The following CA3 variants were observed in gnomAD, a reference collection of about 807,000 sequenced individuals.
CA3 encodes carbonic anhydrase 3.
Under a neutral mutation model 35.7 loss-of-function variants are expected in CA3, and 30 were observed. The observed-to-expected ratio is 0.84, with a 90% CI of 0.63 to 1.14. The LOEUF (loss-of-function observed/expected upper bound fraction) is 1.14. Ranked by LOEUF, CA3 falls within the 50% of genes most tolerant of loss-of-function variation. CA3 has a pLI of 0.00. For synonymous variants in CA3, 131 were observed against 130.8 expected (o/e 1.00, Z -0.01); for missense variants, 295 against 328.5 (o/e 0.90, Z 0.79).
chr8:85,439,525 T>A (rs1374537073), intron 1 of CA3, among the ~76,000 whole-genome samples, 187 bp from the exon 2 acceptor site: 6 of 152,226 alleles, frequency 3.9e-5, no homozygotes, highest in Admixed American at 2.6e-4. Context: ...ATAGTCTCCA[T>A]GTGTGCTATT....
chr8:85,445,692 A>AT (rs926993562), intron 5 of CA3, among the ~76,000 whole-genome samples: 5 of 152,110 alleles, frequency 3.3e-5, no homozygotes, highest in East Asian at 3.9e-4. Context: ...CATTTTAATT[A>AT]TTTTTTTTCT....
In CA3 at chr8:85,438,925, G is replaced by A. The variant is rs909294592; in HGVS notation, c.16G>A (p.Gly6Ser). MAKEW[G>S]YASHNGPDHW... ...GAAGGCGACCATGGCCAAGGAGTGG[G>A]GCTACGCCAGTCACAACGGTGAGTG... Residue 6 changes from glycine (G) to serine (S), a missense_variant, in exon 1 of 7, where the codon GGC becomes AGC. By Grantham distance (56) the Gly-to-Ser change is moderately conservative. Transcript: ENST00000285381. The A allele has an allele frequency of 1.2e-5, 18 of 1,551,164 alleles. No individual in the cohort carries two copies. The highest frequency in any genetic ancestry group is 1.6e-5 in the Non-Finnish European group (18 of 1,146,988).
intron 1 of CA3, 83 bp downstream of exon 1, chr8:85,439,026 A>G: frequency 7.4e-7 from 1 of 1,353,180 alleles, no homozygotes; most frequent in Non-Finnish European, 1.0e-6. Flanking sequence ...GGGCAACTTT[A>G]GAGACTGCAG....
chr8:85,440,702 A>G (rs1419199734), intron 2 of CA3, among the ~76,000 whole-genome samples: 1 of 152,158 alleles, frequency 6.6e-6, no homozygotes, highest in African/African-American at 2.4e-5. Flanking sequence ...TTATAGCCCC[A>G]TCTCTAATAA....
intron 2 of CA3, among the ~76,000 whole-genome samples, chr8:85,441,476 G>A (rs1811205487): frequency 6.6e-6 from 1 of 152,218 alleles, no homozygotes. Flanking sequence ...TTGAAGAAAA[G>A]TGTAGTTGGA....
At chr8:85,444,258 C>G in intron 4 of CA3, 132 bp downstream of exon 4, 1 of 638,124 alleles carries the variant, frequency 1.6e-6, no homozygotes, top group South Asian at 1.9e-5. Flanking sequence ...TTCAACTAAT[C>G]AAGATATTTC....
Position 85,442,129 on chromosome 8 carries a change from T to C in CA3, c.289T>C (p.Trp97Arg). The C allele has an allele frequency of 6.2e-7, 1 of 1,612,214 alleles. No individual in the cohort carries two copies. Among genetic ancestry groups the C allele is most frequent in the Non-Finnish European group, 8.5e-7 (1 of 1,178,204 alleles). Residue 97 changes from tryptophan (W) to arginine (R), a missense_variant, in exon 3 of 7, where the codon TGG becomes CGG. Trp to Arg is a moderately radical substitution (Grantham distance 101). Coordinates refer to ENST00000285381, the MANE Select transcript of CA3 (RefSeq NM_005181.4). Reference protein sequence around the residue: ...PYRLRQFHLHWGSSDDHGSEH... With the variant: ...PYRLRQFHLHRGSSDDHGSEH... The stretch of plus-strand genomic sequence containing the variant: ...CCGACTTCGCCAGTTTCATCTTCAC[T>C]GGGGCTCTTCGGATGATCATGGCTC...
chr8:85,448,237 C>A lies in CA3; in HGVS notation c.*84C>A. 7.2e-7 allele frequency: 1 copy of A among 1,388,560 alleles called. No individual in the cohort carries two copies. The highest frequency in any genetic ancestry group is 9.8e-7 in the Non-Finnish European group (1 of 1,022,986). The allele number at this position is 1,388,560 out of a possible 1,614,324, so 86.0% of individuals were successfully genotyped here. ...TTGCCTCCTTCTGGTGCTCCTTACT[C>A]CAAGTCTATTTCATTTTTCCACACT... On this transcript the variant is annotated 3_prime_UTR_variant, in exon 7 of 7. Transcript: ENST00000285381.
intron 2 of CA3, among the ~76,000 whole-genome samples, chr8:85,440,567 T>A (rs543586895): frequency 6.6e-6 from 1 of 152,340 alleles, no homozygotes; most frequent in South Asian, 2.1e-4. Context: ...TTATTTCACC[T>A]ACACTAGTAA....
rs866828909 is a variant in CA3 at position 85,444,421 on chromosome 8, C to T, written c.444+295C>T. 5.3e-4 allele frequency among the ~76,000 whole-genome samples: 81 copies of T among 152,060 alleles called. 1 individual carries two copies. In the Middle Eastern group the frequency reaches 0.027, roughly 51 times the overall value. ...ACAGAGCCTTAGAGTGAGCTTATTA[C>T]GGTGGTGGTAAGGGCAAAGGTGGCA... is the stretch of plus-strand genomic sequence containing the variant. On this transcript the variant is annotated intron_variant, in intron 4 of 6. Transcript: ENST00000285381.
Position 85,438,891 on chromosome 8 carries a change from A to G in CA3, c.-19A>G. The G allele has an allele frequency of 1.9e-6, 3 of 1,551,012 alleles. No individual in the cohort carries two copies. The highest frequency in any genetic ancestry group is 2.6e-6 in the Non-Finnish European group (3 of 1,146,976). On this transcript the variant is annotated 5_prime_UTR_variant, in exon 1 of 7. Transcript: ENST00000285381. ...GGGGAAGAGAAAGCAGGAGCCGTCC[A>G]GCACGGAGGAAGGCGACCATGGCCA...
At chr8:85,442,229 CA>C (rs1429519790) in intron 3 of CA3, 38 bp downstream of exon 3, 4 of 1,059,506 alleles carry the variant, frequency 3.8e-6, no homozygotes, top group Non-Finnish European at 5.9e-6. Flanking sequence ...CGGTCTCATA[CA>C]GTGAAAACTG....
rs774083922 is a variant in CA3, at chr8:85,446,328, G to A, written c.663+31G>A. On this transcript the variant is annotated intron_variant, in intron 6 of 6. Transcript: ENST00000285381. ...CAGCCTTGTGAACACGTGGGCTTATGTTGCTGTCTGCCTATGTAAGATACA... is the reference window on the plus strand; with the variant it reads ...CAGCCTTGTGAACACGTGGGCTTATATTGCTGTCTGCCTATGTAAGATACA... 3.1e-6 allele frequency: 5 copies of A among 1,597,350 alleles called. No individual in the cohort carries two copies. In the South Asian group the frequency reaches 4.4e-5, roughly 14 times the overall value.
At chr8:85,441,799 GT>G in intron 2 of CA3, 1 of 398,936 alleles carries the variant, frequency 2.5e-6, no homozygotes, top group East Asian at 5.2e-5. Context: ...TCTATCTGTT[GT>G]TTTAATTTTG....
chr8:85,443,977 T>C, intron 3 of CA3, 57 bp from the exon 4 acceptor site: 6 of 1,146,996 alleles, frequency 5.2e-6, no homozygotes, highest in Admixed American at 1.7e-5. Context: ...TGGATAATGT[T>C]GTACTTATTT....
chr8:85,445,225 A>G lies in CA3; in HGVS notation c.507+7A>G. 1 of 1,572,776 alleles carries G rather than the reference A, an allele frequency of 6.4e-7. No individual in the cohort carries two copies. The highest frequency in any genetic ancestry group is 8.7e-7 in the Non-Finnish European group (1 of 1,151,998). ...GGACAAGATTAAGACAAAGGTAAAC[A>G]AAAATCATTTTCCCTCCTAAAACAT... On this transcript the variant is annotated splice_region_variant and intron_variant, in intron 5 of 6. Transcript: ENST00000285381.
At position 85,442,153 on chromosome 8, in the gene CA3, TCTGAGCA is replaced by T; in HGVS notation, c.315_321del (p.Glu106ProfsTer27). Reference sequence around the variant, plus strand: ...CTGGGGCTCTTCGGATGATCATGGCTCTGAGCACACCGTGGATGGAGTCAAGTATGCA... The same window carrying T: ...CTGGGGCTCTTCGGATGATCATGGCTCACCGTGGATGGAGTCAAGTATGCA... On this transcript the variant is annotated frameshift_variant, in exon 3 of 7. Transcript: ENST00000285381. LOFTEE classifies it high-confidence loss of function. 3 of 1,609,776 alleles carry T rather than the reference TCTGAGCA, an allele frequency of 1.9e-6. No individual in the cohort carries two copies. Among genetic ancestry groups the T allele is most frequent in the Non-Finnish European group, 2.6e-6 (3 of 1,176,018 alleles).
rs1317686577 is a variant in CA3, at chr8:85,439,926, G to A, written c.232+17G>A. On this transcript the variant is annotated intron_variant, in intron 2 of 6. Transcript: ENST00000285381. The stretch of plus-strand genomic sequence containing the variant: ...ATAGGTCAAGTAAGTATGACAATGA[G>A]GTAGAATCACATGGATGTTTTCAAG... 1 of 1,585,904 alleles carries A rather than the reference G, an allele frequency of 6.3e-7. No homozygotes were observed. The highest frequency in any genetic ancestry group is 8.6e-7 in the Non-Finnish European group (1 of 1,160,362).
At chr8:85,441,778 C>T (rs1018568774) in intron 2 of CA3, 5 of 349,944 alleles carry the variant, frequency 1.4e-5, no homozygotes, top group African/African-American at 6.3e-5. Context: ...TGGGTGTATG[C>T]ATCCTCATTG....
Sources: gnomAD v4.1 joint callset for allele counts (sites outside exome capture counted in the v4.1 genomes callset) on GRCh38, gnomAD v4.1.1 for gene constraint, MANE v1.5 for transcripts, NCBI Gene and HGNC (gene_info 2026-07-23, HGNC 2026-07-21) for gene names.